Variants in CCDC178 observed in about 807,000 individuals in gnomAD.
CCDC178 encodes the protein coiled-coil domain containing 178.
Under a neutral mutation model 117.4 loss-of-function variants are expected in CCDC178, and 126 were observed. The ratio of observed to expected loss-of-function variants is 1.07; its 90% CI spans 0.93 to 1.24. The LOEUF is 1.24. Ranked by LOEUF, CCDC178 falls within the 50% of genes most tolerant of loss-of-function variation. The probability of loss-of-function intolerance (pLI) is 0.00; values close to 1 mark genes in which losing one functional copy is unlikely to be tolerated. For missense variants in CCDC178, 1,030 were observed against 986.9 expected (o/e 1.04, Z -0.59); for synonymous variants, 283 against 313.4 (o/e 0.90, Z 1.02).
intron 7 of CCDC178, among the ~76,000 whole-genome samples, chr18:33,351,895 T>A (rs2062984651): frequency 6.6e-6 from 1 of 152,202 alleles, no homozygotes; most frequent in South Asian, 2.1e-4. Flanking sequence ...GCTTCTGATG[T>A]CTTTGTCTGG....
intron 21 of CCDC178, among the ~76,000 whole-genome samples, chr18:33,027,524 T>C (rs1470715735): frequency 6.6e-6 from 1 of 151,528 alleles, no homozygotes; most frequent in Admixed American, 6.6e-5. Flanking sequence ...AAATAGAAAG[T>C]GAGATATAAC....
intron 11 of CCDC178, among the ~76,000 whole-genome samples, chr18:33,295,660 GA>G (rs1304151478): frequency 3.3e-5 from 5 of 152,088 alleles, no homozygotes; most frequent in Non-Finnish European, 7.4e-5. Context: ...ATGAAAAAGA[GA>G]ATTCAATAAC....
At chr18:33,062,280 A>G (rs1350028341) in intron 21 of CCDC178, among the ~76,000 whole-genome samples, 5 of 152,260 alleles carry the variant, frequency 3.3e-5, no homozygotes, top group Non-Finnish European at 1.5e-5. Flanking sequence ...GAAACAAAGT[A>G]TGAAATATAA....
At chr18:33,209,344 G>T (rs571192655) in intron 20 of CCDC178, among the ~76,000 whole-genome samples, 1 of 152,000 alleles carries the variant, frequency 6.6e-6, no homozygotes, top group Non-Finnish European at 1.5e-5. Flanking sequence ...TTAGCTGTTG[G>T]TATTTCTAAT....
At chr18:33,229,895 T>C (rs763445951) in intron 15 of CCDC178, among the ~76,000 whole-genome samples, 2 of 152,168 alleles carry the variant, frequency 1.3e-5, no homozygotes, top group Non-Finnish European at 2.9e-5. Context: ...TAGAAACTTA[T>C]GGGCTCCTGG....
Position 32,938,044 on chromosome 18 carries a change from A to C in CCDC178, c.2571T>G (p.Thr857=), listed in dbSNP as rs772091861. The C allele has an allele frequency of 3.1e-6, 5 of 1,613,910 alleles. No individual in the cohort carries two copies. Among genetic ancestry groups the C allele is most frequent in the Non-Finnish European group, 4.2e-6 (5 of 1,179,806 alleles). ...CGTTTTCGCATGTGCCATCTGTCAA[A>C]GTCTGGAAGAAACCTAAGATGTGTT... ...LMQHILGFFQ[T]LTDGTCENDG Residue 857 remains threonine (T), a synonymous_variant, in exon 23 of 23, where the codon ACT becomes ACG. Transcript: ENST00000383096.
intron 3 of CCDC178, 64 bp from the exon 4 acceptor site, chr18:33,397,272 A>T: frequency 9.4e-7 from 1 of 1,061,128 alleles, no homozygotes; most frequent in South Asian, 1.3e-5. Context: ...TCTGCCCTAT[A>T]TTGCACTAGT....
intron 20 of CCDC178, among the ~76,000 whole-genome samples, chr18:33,134,972 C>A (rs1376474690): frequency 6.6e-6 from 1 of 150,676 alleles, no homozygotes; most frequent in African/African-American, 2.4e-5. Context: ...TTCATTGGAC[C>A]TAAAACTAAA....
At chr18:33,083,407 G>T (rs1459501361) in intron 21 of CCDC178, among the ~76,000 whole-genome samples, 1 of 152,148 alleles carries the variant, frequency 6.6e-6, no homozygotes, top group Admixed American at 6.5e-5. Flanking sequence ...GTTCTTCATA[G>T]GGAGCATTTC....
chr18:32,949,642 A>G (rs915130184), intron 22 of CCDC178, among the ~76,000 whole-genome samples: 1 of 152,128 alleles, frequency 6.6e-6, no homozygotes, highest in African/African-American at 2.4e-5. Flanking sequence ...GGATACTGTT[A>G]TAACTGTTTA....
At chr18:33,265,708 C>A (rs1195169780) in intron 14 of CCDC178, among the ~76,000 whole-genome samples, 1 of 151,820 alleles carries the variant, frequency 6.6e-6, no homozygotes, top group Non-Finnish European at 1.5e-5. Flanking sequence ...GTCTTTGGTC[C>A]TTTCACCCCT....
intron 20 of CCDC178, among the ~76,000 whole-genome samples, chr18:33,198,631 T>C (rs1299440940): frequency 2.0e-5 from 3 of 152,278 alleles, no homozygotes; most frequent in Non-Finnish European, 2.9e-5. Context: ...TTATGCGATT[T>C]GTAAAAATTC....
chr18:33,045,319 T>A (rs530811810), intron 21 of CCDC178, among the ~76,000 whole-genome samples: 12 of 152,318 alleles, frequency 7.9e-5, no homozygotes, highest in African/African-American at 2.6e-4. Flanking sequence ...CGTGTTAATG[T>A]CATAGTAATT....
At chr18:32,943,676 TG>T (rs2054288125) in intron 22 of CCDC178, among the ~76,000 whole-genome samples, 1 of 152,220 alleles carries the variant, frequency 6.6e-6, no homozygotes, top group South Asian at 2.1e-4. Context: ...CAAAACATGT[TG>T]TAAACACTGA....
chr18:33,103,509 A>G (rs1449728198), intron 20 of CCDC178, among the ~76,000 whole-genome samples: 1 of 151,352 alleles, frequency 6.6e-6, no homozygotes, highest in Non-Finnish European at 1.5e-5. Context: ...AAGCATTTTT[A>G]TTTTTCCAGC....
chr18:33,064,489 C>A (rs1186984652), intron 21 of CCDC178, among the ~76,000 whole-genome samples: 1 of 152,192 alleles, frequency 6.6e-6, no homozygotes, highest in Non-Finnish European at 1.5e-5. Flanking sequence ...TTTGAAATAA[C>A]CCAGTCAGAC....
At chr18:33,303,977 G>A (rs1277011591) in intron 11 of CCDC178, among the ~76,000 whole-genome samples, 1 of 151,978 alleles carries the variant, frequency 6.6e-6, no homozygotes, top group East Asian at 1.9e-4. Flanking sequence ...TTGGCTGTAG[G>A]GGATCCTATT....
chr18:33,368,751 A>T (rs2063255156), intron 6 of CCDC178, among the ~76,000 whole-genome samples: 1 of 151,922 alleles, frequency 6.6e-6, no homozygotes, highest in African/African-American at 2.4e-5. Context: ...TATAACAATA[A>T]CCATTCAATA....
chr18:32,995,986 C>A (rs2144755531), intron 21 of CCDC178, among the ~76,000 whole-genome samples: 1 of 151,620 alleles, frequency 6.6e-6, no homozygotes, highest in East Asian at 1.9e-4. Context: ...TTAAGACACA[C>A]ACACACACCC....
Sources: allele counts gnomAD v4.1 joint callset (sites outside exome capture counted in the v4.1 genomes callset), GRCh38; gene constraint gnomAD v4.1.1; transcripts MANE v1.5; gene names NCBI Gene and HGNC (gene_info 2026-07-23, HGNC 2026-07-21).